TFEC: variants seen among roughly 807,000 people sequenced by gnomAD.
TFEC encodes the protein transcription factor EC.
TFEC carries 31 observed loss-of-function variants against 41.6 expected under a neutral mutation model. That is an observed-to-expected ratio of 0.74 (90% CI 0.56 to 1.01). TFEC has a LOEUF of 1.01. Among genes scored for constraint, TFEC ranks in the 50% least tolerant of loss-of-function variants. The pLI is 0.00. For synonymous variants in TFEC, 143 were observed against 140.6 expected, an observed-to-expected ratio of 1.02 and a Z score of -0.12; for missense variants, 402 against 404.1, an observed-to-expected ratio of 0.99 and a Z score of 0.04.
chr7:116,055,961 T>C (rs1178686707), intron 3 of TFEC, among the ~76,000 whole-genome samples: 2 of 152,150 alleles, frequency 1.3e-5, no homozygotes, highest in Non-Finnish European at 2.9e-5. Context: ...GATCACTTTA[T>C]AATTCTTGAT....
At chr7:115,941,586 A>C in intron 7 of TFEC, 1 of 342,702 alleles carries the variant, frequency 2.9e-6, no homozygotes. Flanking sequence ...TATTTTATGC[A>C]TTTTGTAATT....
chr7:115,957,910 A>G (rs930964736), intron 3 of TFEC, among the ~76,000 whole-genome samples: 4 of 151,940 alleles, frequency 2.6e-5, no homozygotes, highest in Admixed American at 6.6e-5. Flanking sequence ...TTCTGAGATA[A>G]TAATCTATTA....
At chr7:116,134,665 T>A (rs1291491274) in intron 1 of TFEC, among the ~76,000 whole-genome samples, 1 of 152,124 alleles carries the variant, frequency 6.6e-6, no homozygotes, top group Non-Finnish European at 1.5e-5. Flanking sequence ...AAATTAGAAG[T>A]CTTCTTCGCC....
intron 3 of TFEC, among the ~76,000 whole-genome samples, chr7:116,079,448 A>G (rs1797038041): frequency 1.3e-5 from 2 of 152,126 alleles, no homozygotes; most frequent in Non-Finnish European, 2.9e-5. Context: ...CTCATCCAAA[A>G]AGCTCCTAGA....
At chr7:116,013,252 A>AT (rs1353790808) in intron 1 of TFEC, among the ~76,000 whole-genome samples, 2 of 152,092 alleles carry the variant, frequency 1.3e-5, no homozygotes, top group Non-Finnish European at 2.9e-5. Flanking sequence ...TGCACCTGTT[A>AT]TTTTGGCATC....
At chr7:116,085,408 C>G (rs772590958) in intron 3 of TFEC, among the ~76,000 whole-genome samples, 1 of 151,792 alleles carries the variant, frequency 6.6e-6, no homozygotes, top group Non-Finnish European at 1.5e-5. Context: ...ATCTTATCAT[C>G]TTTTTCTATG....
intron 1 of TFEC, among the ~76,000 whole-genome samples, chr7:116,153,344 C>T (rs1054913878): frequency 6.6e-6 from 1 of 152,178 alleles, no homozygotes; most frequent in Non-Finnish European, 1.5e-5. Context: ...CAATCCGCCT[C>T]CTGTGTTCAA....
chr7:115,949,454 A>T (rs1321838825), intron 6 of TFEC, among the ~76,000 whole-genome samples: 1 of 152,174 alleles, frequency 6.6e-6, no homozygotes, highest in Non-Finnish European at 1.5e-5. Flanking sequence ...AAACTATACT[A>T]CAAGGCTACA....
intron 1 of TFEC, among the ~76,000 whole-genome samples, chr7:116,022,934 C>G (rs750831314): frequency 1.3e-5 from 2 of 152,084 alleles, no homozygotes; most frequent in Non-Finnish European, 2.9e-5. Context: ...GAGTTTCAAT[C>G]AAATTATATG....
At chr7:115,952,084 CAAGG>C (rs1458637043) in intron 5 of TFEC, among the ~76,000 whole-genome samples, 3 of 151,966 alleles carry the variant, frequency 2.0e-5, no homozygotes, top group African/African-American at 7.2e-5. Flanking sequence ...CTACTAGAAA[CAAGG>C]AAAGTCATCA....
At chr7:116,156,935 CTTA>C (rs1798881454) in intron 1 of TFEC, among the ~76,000 whole-genome samples, 1 of 152,090 alleles carries the variant, frequency 6.6e-6, no homozygotes, top group African/African-American at 2.4e-5. Flanking sequence ...TTAAGTTGAC[CTTA>C]TTGATACTTT....
upstream of TFEC, among the ~76,000 whole-genome samples, chr7:116,032,137 C>T (rs1795799370): frequency 1.3e-5 from 2 of 152,240 alleles, no homozygotes; most frequent in African/African-American, 2.4e-5. Context: ...AAGTTGGAAA[C>T]ATGCACATAG....
chr7:116,028,195 G>A (rs1490388839), intron 1 of TFEC, among the ~76,000 whole-genome samples: 1 of 152,002 alleles, frequency 6.6e-6, no homozygotes, highest in Non-Finnish European at 1.5e-5. Context: ...GTGTGTAAAT[G>A]GCCAAGACTT....
At position 115,974,248 on chromosome 7, in the gene TFEC, G is replaced by A. The variant is rs756627498; in HGVS notation, c.189C>T (p.Asp63=). ...CCATACCGATTATATCCTCAATAAC[G>A]TCCTCCATCTAGCAAAATATAATAC... ...EDDNAQWHME[D]VIEDIIGMES... is the part of the protein sequence containing the mutation. Residue 63 remains aspartate, a synonymous_variant, in exon 3 of 8, where the codon GAC becomes GAT. Coordinates refer to ENST00000265440, the MANE Select transcript of TFEC (RefSeq NM_012252.4). 14 of 1,586,112 alleles carry A rather than the reference G, an allele frequency of 8.8e-6. No homozygotes were observed. The highest frequency in any genetic ancestry group is 1.7e-4 in the Middle Eastern group (1 of 6,006).
intron 3 of TFEC, among the ~76,000 whole-genome samples, chr7:116,040,292 A>AG (rs1334856047): frequency 6.6e-6 from 1 of 152,228 alleles, no homozygotes; most frequent in African/African-American, 2.4e-5. Flanking sequence ...TTTAGGAAGT[A>AG]GCTAACACTT....
chr7:116,119,836 C>G (rs936135281), intron 1 of TFEC, among the ~76,000 whole-genome samples: 7 of 151,496 alleles, frequency 4.6e-5, no homozygotes, highest in African/African-American at 1.7e-4. Flanking sequence ...ATACTTCTCC[C>G]AAAAGGAATT....
chr7:116,008,780 T>C (rs1241582064), intron 1 of TFEC, among the ~76,000 whole-genome samples: 1 of 152,192 alleles, frequency 6.6e-6, no homozygotes, highest in African/African-American at 2.4e-5. Context: ...ATATAACTAC[T>C]GAACTAAAGT....
intron 6 of TFEC, among the ~76,000 whole-genome samples, chr7:115,950,165 C>G (rs1009456491): frequency 2.0e-5 from 3 of 151,936 alleles, no homozygotes; most frequent in South Asian, 2.1e-4. Flanking sequence ...GCATGCACCA[C>G]CACACCTGGC....
At chr7:116,039,426 T>C (rs1795982550) in intron 3 of TFEC, among the ~76,000 whole-genome samples, 1 of 138,058 alleles carries the variant, frequency 7.2e-6, no homozygotes, top group African/African-American at 2.7e-5. Context: ...AAATTCTGTG[T>C]GTGTGTGTGT....
Sources: allele counts gnomAD v4.1 joint callset (sites outside exome capture counted in the v4.1 genomes callset), GRCh38; gene constraint gnomAD v4.1.1; transcripts MANE v1.5; gene names NCBI Gene and HGNC (gene_info 2026-07-23, HGNC 2026-07-21).